Variants in SATL1 observed in about 807,000 individuals in gnomAD.
SATL1 encodes the protein spermidine/spermine N(1)-acetyltransferase-like protein 1.
Under a neutral mutation model 51.8 loss-of-function variants are expected in SATL1, and 47 were observed. The observed-to-expected ratio is 0.91, with a 90% CI of 0.72 to 1.16. The LOEUF (loss-of-function observed/expected upper bound fraction) is 1.16. Among genes scored for constraint, SATL1 ranks in the 50% most tolerant of loss-of-function variants. SATL1 has a pLI of 0.00. For missense variants in SATL1, 520 were observed against 526.4 expected, an observed-to-expected ratio of 0.99 and a Z score of 0.12; for synonymous variants, 176 against 182.4, an observed-to-expected ratio of 0.97 and a Z score of 0.28.
At chrX:85,104,732 A>C (rs1924992269) in intron 3 of SATL1, among the ~76,000 whole-genome samples, 2 of 111,697 alleles carry the variant, frequency 1.8e-5, no homozygotes, top group African/African-American at 6.5e-5. Flanking sequence ...TACCCTATGT[A>C]CATCCTCTCA....
At position 85,198,090 on chromosome X, in the gene SATL1, C is replaced by A. The variant is rs1483775311; in HGVS notation, c.-313+26115G>T. Among the ~76,000 whole-genome samples the A allele has an allele frequency of 1.4e-4, 16 of 111,542 alleles. No homozygotes were observed. In the Admixed American group the frequency reaches 1.5e-3, roughly 11 times the overall value. ...ATAAGTGAGAACATGTAAAATCTGGCTTTATGTGCCTGGCTTATTTTACTT... is the reference window on the plus strand; with the variant it reads ...ATAAGTGAGAACATGTAAAATCTGGATTTATGTGCCTGGCTTATTTTACTT... On this transcript the variant is annotated intron_variant, in intron 2 of 7. Transcript: ENST00000644105.
At chrX:85,201,395 G>T (rs773308289) in intron 2 of SATL1, among the ~76,000 whole-genome samples, 2 of 111,033 alleles carry the variant, frequency 1.8e-5, no homozygotes, top group East Asian at 5.6e-4. Context: ...GTGTGCCACT[G>T]TATACCCTGA....
At chrX:85,152,083 T>C (rs1479666923) in intron 2 of SATL1, among the ~76,000 whole-genome samples, 1 of 110,734 alleles carries the variant, frequency 9.0e-6, no homozygotes, top group Non-Finnish European at 1.9e-5. Context: ...AAAGGGCTAA[T>C]ATCCAGAATC....
chrX:85,163,165 T>C (rs1177614194), intron 2 of SATL1, among the ~76,000 whole-genome samples: 4 of 101,473 alleles, frequency 3.9e-5, no homozygotes, highest in African/African-American at 1.7e-4. Flanking sequence ...TGAATCCATC[T>C]GGTCCTGGAG....
chrX:85,137,460 C>A (rs1447028495), intron 2 of SATL1, among the ~76,000 whole-genome samples: 1 of 110,974 alleles, frequency 9.0e-6, no homozygotes, highest in East Asian at 2.8e-4. Flanking sequence ...CAAATCCAGC[C>A]ACTTTTCTCC....
chrX:85,104,003 T>C, intron 3 of SATL1, 88 bp from the exon 4 acceptor site: 2 of 700,989 alleles, frequency 2.9e-6, no homozygotes, highest in East Asian at 3.9e-5. Flanking sequence ...TAAACATTTA[T>C]TGACATGTGA....
At chrX:85,241,014 C>T (rs1158181427) in intron 1 of SATL1, among the ~76,000 whole-genome samples, 11 of 110,167 alleles carry the variant, frequency 1.0e-4, no homozygotes, top group African/African-American at 3.3e-4. Flanking sequence ...TTTTTTATCT[C>T]AAACTTGGAA....
At chrX:85,210,850 G>A (rs894706916) in intron 2 of SATL1, 1 of 111,660 alleles carries the variant, frequency 9.0e-6, no homozygotes, top group Non-Finnish European at 1.9e-5. Flanking sequence ...GCAGAAAAGA[G>A]GCAGAATAGG....
chrX:85,125,060 A>C (rs1925588175), intron 2 of SATL1, among the ~76,000 whole-genome samples: 1 of 110,297 alleles, frequency 9.1e-6, no homozygotes, highest in African/African-American at 3.3e-5. Flanking sequence ...CAGGAATAAG[A>C]CCCAGGCTGT....
At chrX:85,236,615 C>A (rs1202460976) in intron 1 of SATL1, among the ~76,000 whole-genome samples, 1 of 111,496 alleles carries the variant, frequency 9.0e-6, no homozygotes, top group East Asian at 2.8e-4. Flanking sequence ...TGATGCTGAA[C>A]AGGCATTTGA....
chrX:85,184,976 A>C (rs73627329), intron 2 of SATL1, among the ~76,000 whole-genome samples: 2,173 of 111,407 alleles, frequency 0.02, 49 homozygotes, highest in African/African-American at 0.067. Context: ...TTTTGGCAAG[A>C]TTTTCCAGGT....
chrX:85,120,383 G>C (rs914851499), intron 2 of SATL1, among the ~76,000 whole-genome samples: 1 of 111,790 alleles, frequency 8.9e-6, no homozygotes, highest in African/African-American at 3.2e-5. Flanking sequence ...AGTGATATTT[G>C]TGGAAAAATT....
chrX:85,241,542 A>C (rs1233559748), intron 1 of SATL1, among the ~76,000 whole-genome samples: 2 of 112,270 alleles, frequency 1.8e-5, no homozygotes, highest in African/African-American at 6.5e-5. Context: ...AGCCAGCTCT[A>C]ACAGTTTTTT....
At chrX:85,172,306 C>G (rs73234612) in intron 2 of SATL1, among the ~76,000 whole-genome samples, 12,087 of 110,944 alleles carry the variant, frequency 0.11, 568 homozygotes, top group South Asian at 0.17. Flanking sequence ...GTATCTACTA[C>G]ATGTTAGACA....
At chrX:85,158,809 G>A (rs891104563) in intron 2 of SATL1, among the ~76,000 whole-genome samples, 8 of 111,567 alleles carry the variant, frequency 7.2e-5, no homozygotes, top group African/African-American at 2.6e-4. Flanking sequence ...TTTTCTAAAT[G>A]TGGCAGTGAT....
intron 2 of SATL1, among the ~76,000 whole-genome samples, chrX:85,131,587 A>C (rs1347669277): frequency 3.6e-5 from 4 of 110,586 alleles, no homozygotes; most frequent in South Asian, 3.9e-4. Flanking sequence ...ACTGAAGGGT[A>C]TTGACTCTTT....
intron 2 of SATL1, among the ~76,000 whole-genome samples, chrX:85,150,535 T>C (rs1164952320): frequency 9.1e-6 from 1 of 110,180 alleles, no homozygotes; most frequent in African/African-American, 3.3e-5. Context: ...TAGACCAATA[T>C]CCTTGATGAA....
At chrX:85,202,881 TTC>T (rs1927714808) in intron 2 of SATL1, among the ~76,000 whole-genome samples, 1 of 111,807 alleles carries the variant, frequency 8.9e-6, no homozygotes, top group African/African-American at 3.3e-5. Flanking sequence ...GCAAGGGCAG[TTC>T]CACTGTAGAG....
chrX:85,095,042 A>G, intron 4 of SATL1, 46 bp from the exon 5 acceptor site: 2 of 718,973 alleles, frequency 2.8e-6, no homozygotes, highest in Admixed American at 4.9e-5. Flanking sequence ...TTTATAGCAG[A>G]GAGAAGGAGA....
Sources: gnomAD v4.1 joint callset for allele counts (sites outside exome capture counted in the v4.1 genomes callset) on GRCh38, gnomAD v4.1.1 for gene constraint, MANE v1.5 for transcripts, NCBI Gene and HGNC (gene_info 2026-07-23, HGNC 2026-07-21) for gene names.